Variants in NPAS3 observed in about 807,000 individuals in gnomAD.
NPAS3 encodes the protein neuronal PAS domain-containing protein 3.
Under a neutral mutation model 73.1 loss-of-function variants are expected in NPAS3, and 14 were observed. The observed-to-expected ratio is 0.19, with a 90% confidence interval of 0.13 to 0.30. The LOEUF (loss-of-function observed/expected upper bound fraction) is 0.30. Among genes scored for constraint, NPAS3 ranks in the 10% least tolerant of loss-of-function variants. NPAS3 has a pLI of 1.00. For synonymous variants in NPAS3, 620 were observed against 541.5 expected (o/e 1.14, Z -2.01); for missense variants, 1,096 against 1,250.0 (o/e 0.88, Z 1.86).
At position 33,736,561 on chromosome 14, in the gene NPAS3, T is replaced by G. The variant is rs574177807; in HGVS notation, c.852+1229T>G. On this transcript the variant is annotated intron_variant, in intron 7 of 11. Coordinates refer to ENST00000356141, the Ensembl canonical transcript of NPAS3. ...CCCTATCCTTAGGACCATTTTCTATTGCCCTGCCTTGCTGCATTCATTAGC... is the reference window on the plus strand; with the variant it reads ...CCCTATCCTTAGGACCATTTTCTATGGCCCTGCCTTGCTGCATTCATTAGC... Among the ~76,000 whole-genome samples, 6 of 152,318 alleles carry G rather than the reference T, an allele frequency of 3.9e-5. No individual in the cohort carries two copies. The South Asian group carries it at 1.0e-3, about 26-fold the overall frequency.
chr14:32,939,265 C>T, upstream of NPAS3: 1 of 697,488 alleles, frequency 1.4e-6, no homozygotes, highest in Non-Finnish European at 2.5e-6. Flanking sequence ...GCCCCCCACC[C>T]GGGAGGGGGG....
At chr14:33,484,675 C>G (rs911920211) in intron 4 of NPAS3, among the ~76,000 whole-genome samples, 1 of 152,190 alleles carries the variant, frequency 6.6e-6, no homozygotes. Flanking sequence ...AGTTAAAATA[C>G]CTGGTCCATA....
chr14:33,687,194 C>T (rs549529604), intron 6 of NPAS3, among the ~76,000 whole-genome samples: 175 of 152,092 alleles, frequency 1.2e-3, no homozygotes, highest in Non-Finnish European at 1.4e-3. Flanking sequence ...TGACTGGAAT[C>T]GATGATGCCG....
intron 2 of NPAS3, among the ~76,000 whole-genome samples, chr14:33,065,302 A>C (rs1414611959): frequency 6.6e-6 from 1 of 152,208 alleles, no homozygotes; most frequent in African/African-American, 2.4e-5. Context: ...TTTTTAGGTC[A>C]GATACATCCA....
intron 7 of NPAS3, among the ~76,000 whole-genome samples, chr14:33,762,987 T>A (rs2062344280): frequency 6.6e-6 from 1 of 152,242 alleles, no homozygotes; most frequent in Non-Finnish European, 1.5e-5. Flanking sequence ...CTCTGAAATG[T>A]ACCACTGAAT....
intron 1 of NPAS3, among the ~76,000 whole-genome samples, chr14:32,955,666 ACC>A (rs1450515288): frequency 6.6e-6 from 1 of 152,000 alleles, no homozygotes; most frequent in East Asian, 1.9e-4. Context: ...TCCATTTTGC[ACC>A]CCCAGTGCTG....
rs568631093 is a variant in NPAS3, at chr14:33,045,489, A to G, written c.51-10416A>G. Among the ~76,000 whole-genome samples the G allele has an allele frequency of 4.8e-4, 73 of 152,360 alleles. 1 individual carries two copies. The highest frequency in any genetic ancestry group is 5.0e-4 in the Non-Finnish European group (34 of 68,038). ...GATTTAATTCATTTAGTAAGTGACC[A>G]GAAGCCTCTTAATCAAGTCAGATAG... is the stretch of plus-strand genomic sequence containing the variant. On this transcript the variant is annotated intron_variant, in intron 1 of 11. Coordinates refer to ENST00000356141, the Ensembl canonical transcript of NPAS3.
At chr14:33,712,008 C>T (rs1254853976) in intron 6 of NPAS3, among the ~76,000 whole-genome samples, 2 of 152,142 alleles carry the variant, frequency 1.3e-5, no homozygotes, top group Non-Finnish European at 1.5e-5. Flanking sequence ...CCTTCCTCTC[C>T]GTTTGTTCTC....
At chr14:33,515,936 C>T (rs768865523) in intron 4 of NPAS3, among the ~76,000 whole-genome samples, 116 of 152,242 alleles carry the variant, frequency 7.6e-4, no homozygotes, top group Non-Finnish European at 1.3e-3. Context: ...GGATGCATTA[C>T]TGCATGCTAA....
In NPAS3 at chr14:33,709,970, A is replaced by G. The variant is rs369630247; in HGVS notation, c.734-25244A>G. Among the ~76,000 whole-genome samples, 17 of 152,326 alleles carry G rather than the reference A, an allele frequency of 1.1e-4. 1 individual carries two copies. The East Asian group carries it at 2.1e-3, about 19-fold the overall frequency. ...AAGGTAAACCGAAGTGGCGACTTCA[A>G]CACTCACACTTGTGTTAGCAAGAGC... On this transcript the variant is annotated intron_variant, in intron 6 of 11. Transcript: ENST00000356141.
intron 5 of NPAS3, among the ~76,000 whole-genome samples, chr14:33,599,812 GTTAA>G (rs1344041853): frequency 6.6e-6 from 1 of 152,102 alleles, no homozygotes; most frequent in African/African-American, 2.4e-5. Context: ...TGTAGGGGAG[GTTAA>G]TTAGTTAATT....
intron 5 of NPAS3, among the ~76,000 whole-genome samples, chr14:33,568,965 T>C (rs1363115241): frequency 6.6e-6 from 1 of 152,228 alleles, no homozygotes; most frequent in Non-Finnish European, 1.5e-5. Context: ...AGTTGAATTA[T>C]TTAAAGTATC....
intron 3 of NPAS3, among the ~76,000 whole-genome samples, chr14:33,252,662 CA>C (rs766550254): frequency 6.0e-5 from 9 of 150,058 alleles, no homozygotes; most frequent in Admixed American, 2.7e-4. Flanking sequence ...ATTTCAGATT[CA>C]GGGGGTATAT....
At chr14:33,407,082 T>C (rs2047699994) in intron 4 of NPAS3, among the ~76,000 whole-genome samples, 1 of 152,162 alleles carries the variant, frequency 6.6e-6, no homozygotes, top group Non-Finnish European at 1.5e-5. Flanking sequence ...ACCTACAAAT[T>C]ATCTGTGGTT....
intron 3 of NPAS3, among the ~76,000 whole-genome samples, chr14:33,326,986 T>G (rs2043737646): frequency 6.6e-6 from 1 of 152,186 alleles, no homozygotes; most frequent in African/African-American, 2.4e-5. Context: ...ATTCAAAATG[T>G]CTCTGAAATT....
chr14:33,526,616 C>T lies in NPAS3; in HGVS notation c.469-33505C>T, dbSNP rs143647644. On this transcript the variant is annotated intron_variant, in intron 4 of 11. Transcript: ENST00000356141. ...GGTTCAATATATGGAGAAGTGGCAACGAGATCAGGGGAAAAAATCAAACTA... is the reference window on the plus strand; with the variant it reads ...GGTTCAATATATGGAGAAGTGGCAATGAGATCAGGGGAAAAAATCAAACTA... Among the ~76,000 whole-genome samples, 489 of 151,250 alleles carry T rather than the reference C, an allele frequency of 3.2e-3. 5 individuals are homozygous for T. Among genetic ancestry groups the T allele is most frequent in the African/African-American group, 0.012 (475 of 41,180 alleles).
chr14:33,149,326 A>G (rs373855378), intron 2 of NPAS3, among the ~76,000 whole-genome samples: 3 of 152,220 alleles, frequency 2.0e-5, no homozygotes, highest in Admixed American at 1.3e-4. Flanking sequence ...CAAGATTTAT[A>G]AATGCTTTTA....
chr14:33,310,749 A>G (rs2042966188), intron 3 of NPAS3, among the ~76,000 whole-genome samples: 1 of 149,096 alleles, frequency 6.7e-6, no homozygotes, highest in South Asian at 2.2e-4. Context: ...GGTGTTGTGT[A>G]CCATGGAGTT....
chr14:33,221,447 T>C (rs1244921887), intron 3 of NPAS3, among the ~76,000 whole-genome samples: 1 of 152,148 alleles, frequency 6.6e-6, no homozygotes, highest in East Asian at 1.9e-4. Context: ...ATTGTTTTTA[T>C]CTGTAGTTTT....
Sources: allele counts gnomAD v4.1 joint callset (sites outside exome capture counted in the v4.1 genomes callset), GRCh38; gene constraint gnomAD v4.1.1; transcripts MANE v1.5; gene names NCBI Gene and HGNC (gene_info 2026-07-23, HGNC 2026-07-21).